ZNF331: variants seen among roughly 807,000 people sequenced by gnomAD.
The protein encoded by ZNF331 is C2H2-like zinc finger protein rearranged in thyroid adenomas.
Under a neutral mutation model 7.0 loss-of-function variants are expected in ZNF331, and 2 were observed. That is an observed-to-expected ratio of 0.29 (90% CI 0.12 to 0.90). ZNF331 has a LOEUF of 0.90. ZNF331 is among the 40% of genes least tolerant of loss of function. The pLI is 0.58. For synonymous variants in ZNF331, 196 were observed against 205.4 expected, an observed-to-expected ratio of 0.95 and a Z score of 0.39; for missense variants, 432 against 587.7, an observed-to-expected ratio of 0.74 and a Z score of 2.74.
At position 53,577,580 on chromosome 19, in the gene ZNF331, G is replaced by A. The variant is rs764647299; in HGVS notation, c.1020G>A (p.Ser340=). 11 of 1,613,072 alleles carry A rather than the reference G, an allele frequency of 6.8e-6. No individual in the cohort carries two copies. The highest frequency in any genetic ancestry group is 1.7e-5 in the Admixed American group (1 of 59,894). The change falls in exon 6 of 6, where the codon TCG becomes TCA. Residue 340 remains serine (S), a synonymous_variant. Coordinates refer to ENST00000449416, the MANE Select transcript of ZNF331 (RefSeq NM_001079906.2). Reference sequence around the variant, plus strand: ...GTGGGAAGGCCTTTCGCTGGGGTTCGAGCCTCGTTAAGCACGAGAGGATAC... The same window carrying A: ...GTGGGAAGGCCTTTCGCTGGGGTTCAAGCCTCGTTAAGCACGAGAGGATAC... ...KECGKAFRWG[S]SLVKHERIHT... is the part of the protein sequence containing the mutation.
At chr19:53,525,845 A>G (rs975411277) in intron 2 of ZNF331, among the ~76,000 whole-genome samples, 4 of 152,280 alleles carry the variant, frequency 2.6e-5, no homozygotes, top group African/African-American at 9.6e-5. Flanking sequence ...AAGTGGTAAG[A>G]GTGGGAATCC....
At chr19:53,518,401 T>G (rs1010885091), upstream of ZNF331, among the ~76,000 whole-genome samples, 3 of 152,184 alleles carry the variant, frequency 2.0e-5, no homozygotes, top group Admixed American at 6.5e-5. Context: ...TCTTTTTTCC[T>G]CAGCTTGCAG....
chr19:53,520,528 C>G (rs976481276), upstream of ZNF331, among the ~76,000 whole-genome samples: 1 of 152,156 alleles, frequency 6.6e-6, no homozygotes, highest in African/African-American at 2.4e-5. Flanking sequence ...GACAGGGCTT[C>G]CAGCATTTGA....
upstream of ZNF331, among the ~76,000 whole-genome samples, chr19:53,514,652 CTT>C (rs67056894): frequency 5.9e-4 from 78 of 132,940 alleles, no homozygotes; most frequent in South Asian, 3.4e-3. Context: ...AAGCCTTCTC[CTT>C]TTTTTTTTTT....
rs200550450 is a variant in ZNF331, at chr19:53,558,976, C to G, written c.-74+3068C>G. 1.4e-5 allele frequency among the ~76,000 whole-genome samples: 2 copies of G among 143,616 alleles called. No homozygotes were observed. The highest frequency in any genetic ancestry group is 2.4e-4 in the South Asian group (1 of 4,242). 94.2% of individuals were successfully genotyped at this position (143,616 alleles called of 152,430 possible). A position where few individuals can be genotyped will look rare whatever the true frequency, so the allele number is the denominator to read the frequency against. Reference sequence around the variant, plus strand: ...ACATACCATATACACACCATACACACATATACACACACATACCCCATATAT... The same window carrying G: ...ACATACCATATACACACCATACACAGATATACACACACATACCCCATATAT... On this transcript the variant is annotated intron_variant, in intron 3 of 5. Transcript: ENST00000449416. The surrounding 1 kb of genome is among the most constrained non-coding windows in gnomAD (Gnocchi z 4.5).
intron 5 of ZNF331, among the ~76,000 whole-genome samples, chr19:53,574,052 G>A (rs1415716320): frequency 6.6e-6 from 1 of 152,088 alleles, no homozygotes; most frequent in Non-Finnish European, 1.5e-5. Context: ...GGAGGCAGAG[G>A]CTGCAGTGAG....
the ZNF331 span, among the ~76,000 whole-genome samples, chr19:53,513,636 C>G: frequency 6.6e-6 from 1 of 151,920 alleles, no homozygotes; most frequent in Non-Finnish European, 1.5e-5. Context: ...TCTATTCAGG[C>G]CCTTTACTTT....
chr19:53,558,280 C>T lies in ZNF331; in HGVS notation c.-74+2372C>T, dbSNP rs2089560265. Among the ~76,000 whole-genome samples, 1 of 152,068 alleles carries T rather than the reference C, an allele frequency of 6.6e-6. No homozygotes were observed. The highest frequency in any genetic ancestry group is 2.1e-4 in the South Asian group (1 of 4,822). ...ATTTTAAAGGATACTAATGAACAGCCAGATGAAGAGATATGTAGGACTAGG... is the reference window on the plus strand; with the variant it reads ...ATTTTAAAGGATACTAATGAACAGCTAGATGAAGAGATATGTAGGACTAGG... On this transcript the variant is annotated intron_variant, in intron 3 of 5. Coordinates refer to ENST00000449416, the MANE Select transcript of ZNF331 (RefSeq NM_001079906.2). This position sits in a 1 kb window ranked among gnomAD's most constrained non-coding sequence, Gnocchi z 4.5.
At chr19:53,506,234 C>T in the ZNF331 span, among the ~76,000 whole-genome samples, 1 of 125,708 alleles carries the variant, frequency 8.0e-6, no homozygotes, top group African/African-American at 3.2e-5. Context: ...ACTCGGGAGG[C>T]TGAGGCAGGA....
At chr19:53,567,339 C>T (rs1366900708) in intron 3 of ZNF331, among the ~76,000 whole-genome samples, 3 of 152,124 alleles carry the variant, frequency 2.0e-5, no homozygotes, top group Admixed American at 2.0e-4. Flanking sequence ...AATACAGCCC[C>T]TGTTCACCCT....
chr19:53,535,388 C>G (rs2087708182), upstream of ZNF331, among the ~76,000 whole-genome samples: 1 of 152,092 alleles, frequency 6.6e-6, no homozygotes, highest in Non-Finnish European at 1.5e-5. Flanking sequence ...CACTGTCCGG[C>G]CGTAATTACC....
In ZNF331 at chr19:53,577,882, G is replaced by A; in HGVS notation, c.1322G>A (p.Cys441Tyr). Reference sequence around the variant, plus strand: ...CACAGTGGGGCGAAATCCTACGAATGTAAGGAGTGCGGGAAGGCATGTAAC... The same window carrying A: ...CACAGTGGGGCGAAATCCTACGAATATAAGGAGTGCGGGAAGGCATGTAAC... ...KTHSGAKSYE[C>Y]KECGKACNHL... Residue 441 changes from cysteine to tyrosine, a missense_variant, in exon 6 of 6, where the codon TGT becomes TAT. Cys to Tyr is a radical substitution (Grantham distance 194). This residue lies in a region of ZNF331 where 312 missense variants were observed against 448.6 expected (regional missense o/e 0.70). Coordinates refer to ENST00000449416, the MANE Select transcript of ZNF331 (RefSeq NM_001079906.2). 3 of 1,613,902 alleles carry A rather than the reference G, an allele frequency of 1.9e-6. No homozygotes were observed. The highest frequency in any genetic ancestry group is 2.5e-6 in the Non-Finnish European group (3 of 1,180,040).
chr19:53,550,143 T>C (rs1426300069), intron 2 of ZNF331, among the ~76,000 whole-genome samples: 6 of 152,246 alleles, frequency 3.9e-5, no homozygotes, highest in Non-Finnish European at 7.3e-5. Context: ...ATTTGTATCA[T>C]GTCCTAACAT....
chr19:53,554,347 T>TG (rs1391348038), intron 2 of ZNF331, among the ~76,000 whole-genome samples: 14 of 151,914 alleles, frequency 9.2e-5, no homozygotes, highest in Middle Eastern at 3.2e-3. Flanking sequence ...ACGCATGCGT[T>TG]GGGGGTCTGT....
At position 53,539,534 on chromosome 19, in the gene ZNF331, C is replaced by T. The variant is rs1347429593; in HGVS notation, c.-138+252C>T. 3.9e-5 allele frequency: 6 copies of T among 152,116 alleles called. No homozygotes were observed. The highest frequency in any genetic ancestry group is 2.0e-4 in the Admixed American group (3 of 15,268). The allele number at this position is 152,116 out of a possible 1,614,324, so 9.4% of individuals were successfully genotyped here. On this transcript the variant is annotated intron_variant, in intron 2 of 5. Coordinates refer to ENST00000449416, the MANE Select transcript of ZNF331 (RefSeq NM_001079906.2). The surrounding 1 kb of genome is among the most constrained non-coding windows in gnomAD (Gnocchi z 6.1). ...CTGGATGTCTGTACATCAGGAGCAA[C>T]GTACATATGAAGGTAACTGGGATGG...
chr19:53,571,844 G>A lies in ZNF331; in HGVS notation c.136+114G>A. On this transcript the variant is annotated intron_variant, in intron 5 of 5. Coordinates refer to ENST00000449416, the MANE Select transcript of ZNF331 (RefSeq NM_001079906.2). The surrounding 1 kb of genome is among the most constrained non-coding windows in gnomAD (Gnocchi z 4.7). ...TTGAATTTCTTCTTCCTGTCCCCAA[G>A]GAATGTATTGAGCCTTATTGATGTG... 7.2e-7 allele frequency: 1 copy of A among 1,393,266 alleles called. No homozygotes were observed. Among genetic ancestry groups the A allele is most frequent in the Non-Finnish European group, 9.7e-7 (1 of 1,032,000 alleles). The allele number at this position is 1,393,266 out of a possible 1,614,324, so 86.3% of individuals were successfully genotyped here.
chr19:53,506,092 T>C, the ZNF331 span, among the ~76,000 whole-genome samples: 1 of 151,188 alleles, frequency 6.6e-6, no homozygotes, highest in African/African-American at 2.4e-5. Context: ...TCCCAGCACT[T>C]TGGGAGGCCG....
intron 2 of ZNF331, among the ~76,000 whole-genome samples, chr19:53,528,355 C>T (rs73049566): frequency 0.083 from 12,524 of 151,660 alleles, 590 homozygotes; most frequent in Non-Finnish European, 0.11. Flanking sequence ...ACAGCAGCCT[C>T]ATGTTTCTTT....
At chr19:53,515,498 G>T (rs1163969239), upstream of ZNF331, among the ~76,000 whole-genome samples, 2 of 151,976 alleles carry the variant, frequency 1.3e-5, no homozygotes, top group African/African-American at 4.8e-5. Flanking sequence ...ACTTTGTTTG[G>T]TTGGTTGTTT....
Sources: gnomAD v4.1 joint callset for allele counts (sites outside exome capture counted in the v4.1 genomes callset) on GRCh38, gnomAD v4.1.1 for gene constraint, gnomAD v4.1.1 regional missense constraint, Gnocchi (gnomAD v3.1) non-coding constraint, MANE v1.5 for transcripts, NCBI Gene and HGNC (gene_info 2026-07-23, HGNC 2026-07-21) for gene names.